PTPRT: variants seen among roughly 807,000 people sequenced by gnomAD.
PTPRT encodes receptor-type tyrosine-protein phosphatase T.
In PTPRT, 56 loss-of-function variants were observed where a neutral mutation model predicts 176.8. That is an observed-to-expected ratio of 0.32 (90% CI 0.26 to 0.40). The LOEUF (loss-of-function observed/expected upper bound fraction) is 0.40, where lower values mean the gene tolerates loss of function less well. PTPRT is among the 10% of genes least tolerant of loss of function. The pLI, the probability that PTPRT is intolerant of heterozygous loss-of-function variation, is 1.00. For synonymous variants in PTPRT, 783 were observed against 739.0 expected (o/e 1.06, Z -0.96); for missense variants, 1,540 against 1,908.2 (o/e 0.81, Z 3.60).
chr20:43,120,073 C>G (rs1447792555), intron 1 of PTPRT, among the ~76,000 whole-genome samples: 1 of 152,166 alleles, frequency 6.6e-6, no homozygotes, highest in Non-Finnish European at 1.5e-5. Context: ...TCCCATAGTG[C>G]TGGGATTATA....
chr20:43,011,541 A>T (rs1259110323), intron 1 of PTPRT, among the ~76,000 whole-genome samples: 1 of 152,162 alleles, frequency 6.6e-6, no homozygotes, highest in East Asian at 1.9e-4. Context: ...AAGGAATCAG[A>T]GCCTTTTATT....
At chr20:43,022,909 T>C (rs973052444) in intron 1 of PTPRT, among the ~76,000 whole-genome samples, 2 of 152,126 alleles carry the variant, frequency 1.3e-5, no homozygotes, top group Non-Finnish European at 2.9e-5. Context: ...TTTAAAGGGA[T>C]ATTTAAAGGG....
At chr20:43,026,844 G>C (rs1985933914) in intron 1 of PTPRT, among the ~76,000 whole-genome samples, 1 of 152,076 alleles carries the variant, frequency 6.6e-6, no homozygotes, top group Non-Finnish European at 1.5e-5. Flanking sequence ...CTGTCTCTGG[G>C]CTATTTTACT....
chr20:42,630,217 T>G (rs1301156495), intron 7 of PTPRT, among the ~76,000 whole-genome samples: 1 of 152,126 alleles, frequency 6.6e-6, no homozygotes, highest in Admixed American at 6.5e-5. Flanking sequence ...TGCAGACAGC[T>G]TCTAGGAGCT....
At position 43,189,671 on chromosome 20, in the gene PTPRT, G is replaced by A. The variant is rs1354734591; in HGVS notation, c.63C>T (p.Pro21=). 8 of 1,318,490 alleles carry A rather than the reference G, an allele frequency of 6.1e-6. No homozygotes were observed. The highest frequency in any genetic ancestry group is 4.1e-5 in the South Asian group (2 of 49,278). The allele number at this position is 1,318,490 out of a possible 1,614,324, so 81.7% of individuals were successfully genotyped here. Residue 21 remains proline, a synonymous_variant, in exon 1 of 31, where the codon CCC becomes CCT. Transcript: ENST00000373187. The surrounding 1 kb of genome is among the most constrained non-coding windows in gnomAD (Gnocchi z 5.0). ...LLLRLQLPPL[P]GARAQSAAGG... ...CTGCGGCGCTCTGAGCCCGGGCGCC[G>A]GGCAGTGGCGGCAGCTGCAGCCTCA...
chr20:43,142,414 G>C (rs1229991276), intron 1 of PTPRT, among the ~76,000 whole-genome samples: 1 of 152,200 alleles, frequency 6.6e-6, no homozygotes, highest in East Asian at 1.9e-4. Flanking sequence ...GAAGCAGCCA[G>C]GTCTTGGATC....
At chr20:42,061,338 G>A in the PTPRT span, among the ~76,000 whole-genome samples, 24 of 152,210 alleles carry the variant, frequency 1.6e-4, no homozygotes, top group East Asian at 4.4e-3. Flanking sequence ...TTAGTCACAT[G>A]GGCCCAATAT....
intron 15 of PTPRT, among the ~76,000 whole-genome samples, chr20:42,204,783 G>A (rs1372630191): frequency 1.3e-5 from 2 of 151,978 alleles, no homozygotes; most frequent in South Asian, 2.1e-4. Flanking sequence ...AATGGCTCAC[G>A]GGAGAGGAAT....
In PTPRT at chr20:42,756,792, G is replaced by A. The variant is rs564717873; in HGVS notation, c.685-156C>T. ...CAGCCAGGCACAGTGGCTCATGCCT[G>A]TAATCCCAGTGCTTTGCAAGGGCTG... On this transcript the variant is annotated intron_variant, in intron 5 of 30. Transcript: ENST00000373187. Among the ~76,000 whole-genome samples, 22 of 152,142 alleles carry A rather than the reference G, an allele frequency of 1.4e-4. 1 individual carries two copies. The highest frequency in any genetic ancestry group is 3.1e-4 in the Non-Finnish European group (21 of 68,028).
At chr20:42,632,243 G>GT (rs1269049593) in intron 7 of PTPRT, among the ~76,000 whole-genome samples, 5 of 152,018 alleles carry the variant, frequency 3.3e-5, no homozygotes, top group Non-Finnish European at 7.4e-5. Context: ...TTGTTGTTTT[G>GT]TTTTTTTGTT....
rs74690377 is a variant in PTPRT at position 42,446,142 on chromosome 20, C to T, written c.1560+2078G>A. On this transcript the variant is annotated intron_variant, in intron 9 of 30. Coordinates refer to ENST00000373187, the MANE Select transcript of PTPRT (RefSeq NM_007050.6). The stretch of plus-strand genomic sequence containing the variant: ...AGGAATAATATGTGCAGAGATATGA[C>T]TCCACCTGCAACATAGCCCTACAGT... Among the ~76,000 whole-genome samples, 815 of 152,260 alleles carry T rather than the reference C, an allele frequency of 5.4e-3. 3 individuals are homozygous for T. Among genetic ancestry groups the T allele is most frequent in the African/African-American group, 0.019 (771 of 41,540 alleles).
chr20:42,070,925 T>C (rs1266542217), downstream of PTPRT, among the ~76,000 whole-genome samples: 3 of 152,230 alleles, frequency 2.0e-5, no homozygotes, highest in Non-Finnish European at 4.4e-5. Flanking sequence ...TCTAATTTTC[T>C]TTCTCCAGTG....
intron 11 of PTPRT, among the ~76,000 whole-genome samples, chr20:42,336,684 T>C (rs2058044737): frequency 6.6e-6 from 1 of 151,812 alleles, no homozygotes; most frequent in Non-Finnish European, 1.5e-5. Flanking sequence ...TGAATAAATT[T>C]GTGATTGCTT....
chr20:42,657,000 C>T (rs1298731888), intron 7 of PTPRT, among the ~76,000 whole-genome samples: 1 of 152,096 alleles, frequency 6.6e-6, no homozygotes, highest in African/African-American at 2.4e-5. Flanking sequence ...TTCCCATAAT[C>T]CCCATGTGTC....
At chr20:42,508,678 C>G (rs1010485358) in intron 7 of PTPRT, among the ~76,000 whole-genome samples, 1 of 151,756 alleles carries the variant, frequency 6.6e-6, no homozygotes, top group Non-Finnish European at 1.5e-5. Context: ...CGTGCCATAG[C>G]TAGTAAGTAG....
intron 7 of PTPRT, among the ~76,000 whole-genome samples, chr20:42,546,729 G>C (rs908321715): frequency 2.0e-5 from 3 of 152,058 alleles, no homozygotes; most frequent in African/African-American, 7.2e-5. Context: ...GTAATTAATT[G>C]GCCTAATTTC....
intron 9 of PTPRT, among the ~76,000 whole-genome samples, chr20:42,436,124 T>G (rs2059260151): frequency 6.6e-6 from 1 of 152,170 alleles, no homozygotes; most frequent in South Asian, 2.1e-4. Context: ...AACTTAAATT[T>G]CAGGAGCAAA....
intron 1 of PTPRT, among the ~76,000 whole-genome samples, chr20:43,169,043 C>T (rs1329369173): frequency 6.6e-6 from 1 of 152,154 alleles, no homozygotes. Flanking sequence ...AGAGTGCGCA[C>T]CCCAGGTTCA....
rs6093629 is a variant in PTPRT, at chr20:42,355,895, C to A, written c.1561-3610G>T. Among the ~76,000 whole-genome samples the A allele has an allele frequency of 1.0e-3, 156 of 152,296 alleles. 1 individual carries two copies. The highest frequency in any genetic ancestry group is 3.6e-3 in the African/African-American group (150 of 41,564). On this transcript the variant is annotated intron_variant, in intron 9 of 30. Coordinates refer to ENST00000373187, the MANE Select transcript of PTPRT (RefSeq NM_007050.6). Reference sequence around the variant, plus strand: ...AGCAACTCAATTTCCACCGAGCTGTCAATATAATATACCGCGCTCTTCTGC... The same window carrying A: ...AGCAACTCAATTTCCACCGAGCTGTAAATATAATATACCGCGCTCTTCTGC...
Sources: gnomAD v4.1 joint callset for allele counts (sites outside exome capture counted in the v4.1 genomes callset) on GRCh38, gnomAD v4.1.1 for gene constraint, Gnocchi (gnomAD v3.1) non-coding constraint, MANE v1.5 for transcripts, NCBI Gene and HGNC (gene_info 2026-07-23, HGNC 2026-07-21) for gene names.